SAMD4A: variants seen among roughly 807,000 people sequenced by gnomAD.
The protein encoded by SAMD4A is sterile alpha motif domain containing 4A.
SAMD4A carries 33 observed loss-of-function variants against 81.3 expected under a neutral mutation model. That is an observed-to-expected ratio of 0.41 (90% CI 0.31 to 0.54). The LOEUF (loss-of-function observed/expected upper bound fraction) is 0.54, where lower values mean the gene tolerates loss of function less well. SAMD4A is among the 20% of genes least tolerant of loss of function. The pLI is 0.37. For synonymous variants in SAMD4A, 389 were observed against 382.1 expected, an observed-to-expected ratio of 1.02 and a Z score of -0.21; for missense variants, 854 against 951.1, an observed-to-expected ratio of 0.90 and a Z score of 1.34.
intron 2 of SAMD4A, chr14:54,688,326 G>T: frequency 1.0e-6 from 1 of 985,478 alleles, no homozygotes; most frequent in Non-Finnish European, 1.2e-6. Context: ...TCACGCCCAG[G>T]CTTCTCTGGG....
chr14:54,759,880 A>T (rs1485591352), intron 6 of SAMD4A, among the ~76,000 whole-genome samples: 2 of 152,230 alleles, frequency 1.3e-5, no homozygotes, highest in Non-Finnish European at 2.9e-5. Context: ...AGGAAGGCAG[A>T]AAAGGAAATA....
chr14:54,773,098 A>G (rs1594926917), intron 9 of SAMD4A, among the ~76,000 whole-genome samples: 2 of 152,136 alleles, frequency 1.3e-5, no homozygotes, highest in African/African-American at 4.8e-5. Flanking sequence ...AGAATCTAGA[A>G]CTCCTTCCTT....
At chr14:54,625,897 T>C (rs1455419659) in intron 2 of SAMD4A, among the ~76,000 whole-genome samples, 1 of 151,946 alleles carries the variant, frequency 6.6e-6, no homozygotes, top group Non-Finnish European at 1.5e-5. Flanking sequence ...ATCTCTTGAC[T>C]TCTGCTTCAA....
intron 2 of SAMD4A, among the ~76,000 whole-genome samples, chr14:54,660,727 A>G (rs2140465184): frequency 6.6e-6 from 1 of 152,344 alleles, no homozygotes; most frequent in Non-Finnish European, 1.5e-5. Flanking sequence ...TATGTGTTTT[A>G]ACAGCAGCCC....
chr14:54,630,513 A>G (rs2034869189), intron 2 of SAMD4A, among the ~76,000 whole-genome samples: 2 of 152,294 alleles, frequency 1.3e-5, no homozygotes, highest in African/African-American at 4.8e-5. Flanking sequence ...GTCCTTTCCC[A>G]ATTTTTAAAA....
At chr14:54,690,758 G>A (rs1175292491) in intron 2 of SAMD4A, among the ~76,000 whole-genome samples, 2 of 152,186 alleles carry the variant, frequency 1.3e-5, no homozygotes, top group South Asian at 2.1e-4. Flanking sequence ...AAAGGTGATG[G>A]TATGAAGCTA....
intron 2 of SAMD4A, among the ~76,000 whole-genome samples, chr14:54,606,863 T>C (rs556835128): frequency 6.6e-6 from 1 of 152,230 alleles, no homozygotes; most frequent in Non-Finnish European, 1.5e-5. Context: ...TATTCACTTA[T>C]TTGCCAACAT....
intron 2 of SAMD4A, among the ~76,000 whole-genome samples, chr14:54,656,765 C>T (rs1189127871): frequency 6.6e-6 from 1 of 152,072 alleles, no homozygotes; most frequent in African/African-American, 2.4e-5. Context: ...GTAGCTGGGA[C>T]TACAGGTGCC....
At chr14:54,619,189 A>T (rs2034558334) in intron 2 of SAMD4A, among the ~76,000 whole-genome samples, 1 of 152,262 alleles carries the variant, frequency 6.6e-6, no homozygotes, top group Admixed American at 6.5e-5. Context: ...AATTATTTTA[A>T]GTCAAAATGT....
chr14:54,669,244 C>T (rs2035821123), intron 2 of SAMD4A, among the ~76,000 whole-genome samples: 1 of 152,024 alleles, frequency 6.6e-6, no homozygotes, highest in South Asian at 2.1e-4. Flanking sequence ...GTTCACATGC[C>T]CCAGCCTGGA....
At chr14:54,650,988 A>T (rs1442136167) in intron 2 of SAMD4A, among the ~76,000 whole-genome samples, 1 of 152,204 alleles carries the variant, frequency 6.6e-6, no homozygotes, top group African/African-American at 2.4e-5. Flanking sequence ...CAGAAAACTG[A>T]GCACCTCACT....
At chr14:54,618,637 A>C (rs2034545473) in intron 2 of SAMD4A, among the ~76,000 whole-genome samples, 1 of 152,210 alleles carries the variant, frequency 6.6e-6, no homozygotes, top group African/African-American at 2.4e-5. Flanking sequence ...GATTTAGTAG[A>C]TCCTTCTGGG....
chr14:54,576,001 C>CT lies in SAMD4A; in HGVS notation c.196+7926dup, dbSNP rs57819180. Among the ~76,000 whole-genome samples, 60 of 79,988 alleles carry CT rather than the reference C, an allele frequency of 7.5e-4. 1 individual carries two copies. Among genetic ancestry groups the CT allele is most frequent in the South Asian group, 1.8e-3 (3 of 1,714 alleles). The allele number at this position is 79,988 out of a possible 152,430, so 52.5% of individuals were successfully genotyped here. On this transcript the variant is annotated intron_variant, in intron 2 of 12. Coordinates refer to ENST00000554335, the MANE Select transcript of SAMD4A (RefSeq NM_015589.6). ...CCAGGAAAGATTTCTTTCTTTCTTT[C>CT]TTTTTTTTTTTTTTTTTTTTTTTTT...
chr14:54,651,180 T>C (rs2035396053), intron 2 of SAMD4A, among the ~76,000 whole-genome samples: 1 of 152,176 alleles, frequency 6.6e-6, no homozygotes, highest in Non-Finnish European at 1.5e-5. Context: ...TGGTTTAGAA[T>C]TCCTCAAGAC....
At chr14:54,765,712 G>A (rs1010528624) in intron 8 of SAMD4A, among the ~76,000 whole-genome samples, 5 of 152,194 alleles carry the variant, frequency 3.3e-5, no homozygotes, top group Non-Finnish European at 7.3e-5. Context: ...GTAGGGTCCG[G>A]TGAAGGGAGA....
rs1378483366 is a variant in SAMD4A, at chr14:54,789,639, CTGT to C, written c.*703_*705del. 3 of 152,328 alleles carry C rather than the reference CTGT, an allele frequency of 2.0e-5. No individual in the cohort carries two copies. Among genetic ancestry groups the C allele is most frequent in the African/African-American group, 4.8e-5 (2 of 41,572 alleles). The allele number at this position is 152,328 out of a possible 1,614,324, so 9.4% of individuals were successfully genotyped here. A position where few individuals can be genotyped will look rare whatever the true frequency, so the allele number is the denominator to read the frequency against. On this transcript the variant is annotated 3_prime_UTR_variant, in exon 13 of 13. Transcript: ENST00000554335. ...TCATACTATGGTTTTCGTAAAGGAT[CTGT>C]TGTTGTTACGGATTCATTTTTTCCC...
chr14:54,565,762 C>T (rs540406464), upstream of SAMD4A, among the ~76,000 whole-genome samples: 17 of 152,180 alleles, frequency 1.1e-4, no homozygotes, highest in African/African-American at 3.6e-4. The surrounding 1 kb of genome is among the most constrained non-coding windows in gnomAD (Gnocchi z 5.4). Context: ...GCTCCAGTGG[C>T]TTGAGTGTCC....
chr14:54,718,219 T>G (rs2037170766), intron 3 of SAMD4A, among the ~76,000 whole-genome samples: 1 of 152,222 alleles, frequency 6.6e-6, no homozygotes, highest in African/African-American at 2.4e-5. Flanking sequence ...TGAGCTGCCT[T>G]CCACTCTTTT....
intron 4 of SAMD4A, 29 bp from the exon 5 acceptor site, chr14:54,748,786 C>A (rs534033735): frequency 2.1e-6 from 3 of 1,427,030 alleles, no homozygotes; most frequent in Admixed American, 3.9e-5. Flanking sequence ...TCATTTCTCT[C>A]CCCATCTCTT....
Sources: allele counts gnomAD v4.1 joint callset (sites outside exome capture counted in the v4.1 genomes callset), GRCh38; gene constraint gnomAD v4.1.1; non-coding constraint Gnocchi (gnomAD v3.1); transcripts MANE v1.5; gene names NCBI Gene and HGNC (gene_info 2026-07-23, HGNC 2026-07-21).